The following ZMIZ1 variants were observed in gnomAD, a reference collection of about 807,000 sequenced individuals.
ZMIZ1 encodes zinc finger MIZ domain-containing protein 1.
A neutral mutation model predicts 113.9 loss-of-function variants in ZMIZ1; 17 were observed. The observed-to-expected ratio is 0.15, with a 90% CI of 0.10 to 0.22. ZMIZ1 has a LOEUF of 0.22. Ranked by LOEUF, ZMIZ1 falls within the 10% of genes least tolerant of loss-of-function variation. The pLI, the probability that ZMIZ1 is intolerant of heterozygous loss-of-function variation, is 1.00. For synonymous variants in ZMIZ1, 607 were observed against 603.1 expected (o/e 1.01, Z -0.09); for missense variants, 1,059 against 1,477.8 (o/e 0.72, Z 4.65).
chr10:79,255,093 G>A (rs1164889360), intron 7 of ZMIZ1, among the ~76,000 whole-genome samples: 2 of 152,206 alleles, frequency 1.3e-5, no homozygotes, highest in African/African-American at 4.8e-5. Flanking sequence ...CCCAGCCCAA[G>A]CCGATTCCCT....
intron 4 of ZMIZ1, among the ~76,000 whole-genome samples, chr10:79,189,690 A>T (rs768425504): frequency 6.6e-6 from 1 of 152,258 alleles, no homozygotes; most frequent in Non-Finnish European, 1.5e-5. Context: ...TCGTGAGGTT[A>T]TAACACCAAA....
At chr10:79,071,696 C>G (rs1842291356) in intron 1 of ZMIZ1, among the ~76,000 whole-genome samples, 1 of 152,164 alleles carries the variant, frequency 6.6e-6, no homozygotes, top group African/African-American at 2.4e-5. Context: ...TGACCTTTCC[C>G]TCTTCAAGTC....
chr10:79,196,830 G>A (rs1847854732), intron 4 of ZMIZ1, among the ~76,000 whole-genome samples: 1 of 152,220 alleles, frequency 6.6e-6, no homozygotes, highest in Non-Finnish European at 1.5e-5. Context: ...ACCCTTATGG[G>A]TCACTGACTT....
intron 4 of ZMIZ1, among the ~76,000 whole-genome samples, chr10:79,175,218 G>A (rs554774710): frequency 4.6e-5 from 7 of 152,142 alleles, no homozygotes; most frequent in Non-Finnish European, 8.8e-5. Context: ...AAGAAACCCC[G>A]AGCAGTCTGC....
chr10:79,312,604 C>T, intron 24 of ZMIZ1, 38 bp from the exon 25 acceptor site: 1 of 1,609,610 alleles, frequency 6.2e-7, no homozygotes, highest in Non-Finnish European at 8.5e-7. Flanking sequence ...GCCTCTCAGG[C>T]ACACCTCATC....
Position 79,264,381 on chromosome 10 carries a change from G to C in ZMIZ1, c.281-12800G>C, listed in dbSNP as rs1012391465. Among the ~76,000 whole-genome samples the C allele has an allele frequency of 1.3e-5, 2 of 152,208 alleles. 1 individual carries two copies. Among genetic ancestry groups the C allele is most frequent in the Non-Finnish European group, 2.9e-5 (2 of 68,042 alleles). On this transcript the variant is annotated intron_variant, in intron 7 of 24. Transcript: ENST00000334512. ...CCTCTTGGCCTCAATCTATTGCTGGGGGAGGGAGGACTGAGGCCCATTGCT... is the reference window on the plus strand; with the variant it reads ...CCTCTTGGCCTCAATCTATTGCTGGCGGAGGGAGGACTGAGGCCCATTGCT...
intron 3 of ZMIZ1, among the ~76,000 whole-genome samples, chr10:79,151,359 C>T (rs748171702): frequency 6.6e-6 from 1 of 152,122 alleles, no homozygotes; most frequent in African/African-American, 2.4e-5. Context: ...TTGAATCAGC[C>T]TTTTCCCTGT....
At chr10:79,247,312 C>T (rs1850266339) in intron 7 of ZMIZ1, among the ~76,000 whole-genome samples, 1 of 152,178 alleles carries the variant, frequency 6.6e-6, no homozygotes, top group Non-Finnish European at 1.5e-5. Context: ...CCGGGGAGCC[C>T]TTCCAGGACC....
chr10:79,263,126 C>T (rs1851369917), intron 7 of ZMIZ1, among the ~76,000 whole-genome samples: 1 of 152,238 alleles, frequency 6.6e-6, no homozygotes, highest in Non-Finnish European at 1.5e-5. Context: ...CCACTGCATG[C>T]GCCAGCGCAG....
chr10:79,266,518 C>T (rs780807970), intron 7 of ZMIZ1, among the ~76,000 whole-genome samples: 3 of 152,160 alleles, frequency 2.0e-5, no homozygotes, highest in Admixed American at 2.0e-4. Context: ...TCCCACGGCC[C>T]GGTTAGATCC....
At chr10:79,109,641 C>T (rs537095690) in intron 1 of ZMIZ1, among the ~76,000 whole-genome samples, 2 of 152,310 alleles carry the variant, frequency 1.3e-5, no homozygotes, top group South Asian at 2.1e-4. Flanking sequence ...CCTATGCACT[C>T]GCCCATATTC....
intron 6 of ZMIZ1, among the ~76,000 whole-genome samples, chr10:79,214,065 G>A (rs1412679037): frequency 6.6e-6 from 1 of 152,178 alleles, no homozygotes; most frequent in Non-Finnish European, 1.5e-5. Context: ...GAGGGCACCA[G>A]AGTCCACGTA....
chr10:79,159,798 T>C (rs749908401), intron 3 of ZMIZ1, among the ~76,000 whole-genome samples: 4 of 152,236 alleles, frequency 2.6e-5, no homozygotes, highest in East Asian at 3.8e-4. Flanking sequence ...CCCCCACTTA[T>C]GGCTGGGTGA....
intron 3 of ZMIZ1, among the ~76,000 whole-genome samples, chr10:79,161,304 G>T (rs78588826): frequency 1.3e-5 from 2 of 152,120 alleles, no homozygotes; most frequent in South Asian, 2.1e-4. Flanking sequence ...ACTAGAACTA[G>T]GGTCACATCC....
chr10:79,121,899 T>C (rs1267731702), intron 2 of ZMIZ1, among the ~76,000 whole-genome samples: 1 of 152,194 alleles, frequency 6.6e-6, no homozygotes, highest in East Asian at 1.9e-4. Context: ...TTCATGGCCC[T>C]TCGCACCTGC....
At chr10:79,251,042 C>T (rs1334026803) in intron 7 of ZMIZ1, among the ~76,000 whole-genome samples, 1 of 152,134 alleles carries the variant, frequency 6.6e-6, no homozygotes, top group Admixed American at 6.5e-5. Flanking sequence ...TTGCTGGGGA[C>T]TTGTGGCCAT....
In ZMIZ1 at chr10:79,299,395, G is replaced by A. The variant is rs944579114; in HGVS notation, c.1808+204G>A. ...CAGGTAGATGAGCAGTCAAGGTGTC[G>A]TGGCCCAAGGGCAGGGAGCAGCTGT... On this transcript the variant is annotated intron_variant, in intron 16 of 24. Coordinates refer to ENST00000334512, the MANE Select transcript of ZMIZ1 (RefSeq NM_020338.4). Among the ~76,000 whole-genome samples, 5 of 152,236 alleles carry A rather than the reference G, an allele frequency of 3.3e-5. No homozygotes were observed. The South Asian group carries it at 8.3e-4, about 25-fold the overall frequency.
intron 7 of ZMIZ1, among the ~76,000 whole-genome samples, chr10:79,250,327 G>A (rs1210177371): frequency 1.3e-5 from 2 of 152,338 alleles, no homozygotes; most frequent in Admixed American, 6.5e-5. Flanking sequence ...GTGCCCTGTG[G>A]AGGGTGGTGC....
intron 12 of ZMIZ1, chr10:79,293,982 C>G (rs951385228): frequency 4.7e-6 from 2 of 426,868 alleles, no homozygotes; most frequent in Non-Finnish European, 4.4e-6. Context: ...CTTGGCTCAG[C>G]CACTAACTGG....
Sources: allele counts gnomAD v4.1 joint callset (sites outside exome capture counted in the v4.1 genomes callset), GRCh38; gene constraint gnomAD v4.1.1; transcripts MANE v1.5; gene names NCBI Gene and HGNC (gene_info 2026-07-23, HGNC 2026-07-21).